LINGO2: variants seen among roughly 807,000 people sequenced by gnomAD.
LINGO2 encodes leucine rich repeat and Ig domain containing 2.
In LINGO2, 14 loss-of-function variants were observed where a neutral mutation model predicts 30.6. The observed-to-expected ratio is 0.46, with a 90% CI of 0.30 to 0.72. The LOEUF (loss-of-function observed/expected upper bound fraction) is 0.72. Among genes scored for constraint, LINGO2 ranks in the 30% least tolerant of loss-of-function variants. The pLI, the probability that LINGO2 is intolerant of heterozygous loss-of-function variation, is 0.07. For synonymous variants in LINGO2, 317 were observed against 288.5 expected (o/e 1.10, Z -1.00); for missense variants, 729 against 751.7 (o/e 0.97, Z 0.35).
At chr9:28,260,168 C>T (rs1428041022) in intron 4 of LINGO2, among the ~76,000 whole-genome samples, 4 of 151,582 alleles carry the variant, frequency 2.6e-5, no homozygotes, top group East Asian at 2.0e-4. Flanking sequence ...ATAAATATGT[C>T]AGTTGTCCTA....
intron 4 of LINGO2, among the ~76,000 whole-genome samples, chr9:28,169,146 G>A (rs886298266): frequency 4.6e-5 from 7 of 152,140 alleles, no homozygotes; most frequent in Non-Finnish European, 1.0e-4. Context: ...AAGGTGTGGA[G>A]ACTTTTATTA....
chr9:28,242,491 C>T (rs903682107), intron 4 of LINGO2, among the ~76,000 whole-genome samples: 2 of 152,038 alleles, frequency 1.3e-5, no homozygotes, highest in African/African-American at 2.4e-5. Context: ...ACCAAACCAA[C>T]GACTGATTGG....
the LINGO2 span, among the ~76,000 whole-genome samples, chr9:28,682,575 A>T: frequency 6.6e-6 from 1 of 152,076 alleles, no homozygotes; most frequent in African/African-American, 2.4e-5. Flanking sequence ...AGGTACTTTT[A>T]TAAGACAATT....
At chr9:28,818,613 T>G in the LINGO2 span, among the ~76,000 whole-genome samples, 1 of 152,188 alleles carries the variant, frequency 6.6e-6, no homozygotes, top group Non-Finnish European at 1.5e-5. Flanking sequence ...CTCGAACTCC[T>G]GACCTCAGGT....
chr9:28,141,785 G>T (rs887252521), intron 4 of LINGO2, among the ~76,000 whole-genome samples: 3 of 152,138 alleles, frequency 2.0e-5, no homozygotes, highest in African/African-American at 7.2e-5. Context: ...GGTGACCCAT[G>T]CCTGTAATCC....
chr9:28,046,678 G>A (rs978912690), intron 4 of LINGO2, among the ~76,000 whole-genome samples: 1 of 152,018 alleles, frequency 6.6e-6, no homozygotes, highest in Admixed American at 6.6e-5. Flanking sequence ...CTCTTAAAAT[G>A]TCTTATTTTA....
chr9:27,959,594 A>G (rs1819739296), intron 5 of LINGO2, among the ~76,000 whole-genome samples: 1 of 152,114 alleles, frequency 6.6e-6, no homozygotes, highest in African/African-American at 2.4e-5. Flanking sequence ...TCTTCTTCTA[A>G]ATATATCATT....
chr9:28,749,145 C>A, the LINGO2 span, among the ~76,000 whole-genome samples: 2 of 152,114 alleles, frequency 1.3e-5, no homozygotes, highest in African/African-American at 4.8e-5. Context: ...TTATTTCTCA[C>A]TCTCTTGAAT....
the LINGO2 span, among the ~76,000 whole-genome samples, chr9:29,144,459 A>G: frequency 5.7e-5 from 5 of 87,680 alleles, no homozygotes; most frequent in Non-Finnish European, 9.7e-5. Context: ...CTTATTTTGG[A>G]AAAAAAAATA....
At chr9:28,474,878 T>C (rs1446677822) in intron 2 of LINGO2, among the ~76,000 whole-genome samples, 1 of 152,196 alleles carries the variant, frequency 6.6e-6, no homozygotes, top group Non-Finnish European at 1.5e-5. Context: ...AAATGTTATA[T>C]AAATGAGGTA....
rs967423248 is a variant in LINGO2, at chr9:28,638,105, A to G, written c.-365+32095T>C. 7.9e-5 allele frequency among the ~76,000 whole-genome samples: 12 copies of G among 152,176 alleles called. No homozygotes were observed. In the South Asian group the frequency reaches 2.1e-3, roughly 26 times the overall value. On this transcript the variant is annotated intron_variant, in intron 1 of 5. Coordinates refer to ENST00000379992, the Ensembl canonical transcript of LINGO2. ...ACGTGGCTTTTGTCGTTGGTTCTGTATATATACTGGATTACGTTTATTGAT... is the reference window on the plus strand; with the variant it reads ...ACGTGGCTTTTGTCGTTGGTTCTGTGTATATACTGGATTACGTTTATTGAT...
chr9:27,968,182 G>A lies in LINGO2; in HGVS notation c.-35-17476C>T, dbSNP rs978600778. On this transcript the variant is annotated intron_variant, in intron 5 of 5. Transcript: ENST00000379992. ...CTATTCTAAAACAGCTTATAGTCTAGTAAGGAAACTCTGTCCAGTAAACAA... is the reference window on the plus strand; with the variant it reads ...CTATTCTAAAACAGCTTATAGTCTAATAAGGAAACTCTGTCCAGTAAACAA... Among the ~76,000 whole-genome samples the A allele has an allele frequency of 2.0e-4, 31 of 152,076 alleles. 1 individual carries two copies. Among genetic ancestry groups the A allele is most frequent in the African/African-American group, 5.1e-4 (21 of 41,424 alleles).
chr9:28,315,026 GAAAC>G (rs1824788621), intron 3 of LINGO2, among the ~76,000 whole-genome samples: 13 of 138,298 alleles, frequency 9.4e-5, no homozygotes, highest in African/African-American at 3.4e-4. Flanking sequence ...AAAAAAAAAA[GAAAC>G]AAAATGAAAA....
the LINGO2 span, among the ~76,000 whole-genome samples, chr9:28,915,746 T>C: frequency 1.3e-5 from 2 of 152,202 alleles, no homozygotes; most frequent in Admixed American, 1.3e-4. Flanking sequence ...GCCTAAGGTA[T>C]ACTAGAGACC....
At chr9:28,370,990 A>C (rs796352023) in intron 3 of LINGO2, among the ~76,000 whole-genome samples, 33 of 152,336 alleles carry the variant, frequency 2.2e-4, no homozygotes, top group African/African-American at 7.5e-4. Context: ...AATGCAAGCC[A>C]TCAGAAGTAT....
At chr9:29,132,628 T>C in the LINGO2 span, among the ~76,000 whole-genome samples, 1 of 152,152 alleles carries the variant, frequency 6.6e-6, no homozygotes, top group Non-Finnish European at 1.5e-5. Flanking sequence ...GGAGTGTACA[T>C]TCATTTCAAT....
At chr9:28,522,528 C>G (rs1244963815) in intron 1 of LINGO2, among the ~76,000 whole-genome samples, 1 of 151,982 alleles carries the variant, frequency 6.6e-6, no homozygotes, top group Non-Finnish European at 1.5e-5. Flanking sequence ...GAGTCATAAG[C>G]AGAAAAATAT....
the LINGO2 span, among the ~76,000 whole-genome samples, chr9:28,997,155 A>T: frequency 1.3e-5 from 2 of 152,322 alleles, no homozygotes; most frequent in African/African-American, 4.8e-5. Flanking sequence ...AAGGACAGGC[A>T]TGGTGGCTCA....
At chr9:28,876,142 T>C in the LINGO2 span, among the ~76,000 whole-genome samples, 1 of 152,108 alleles carries the variant, frequency 6.6e-6, no homozygotes, top group Non-Finnish European at 1.5e-5. Flanking sequence ...TCAATAATAA[T>C]GTCTGCACAG....
Sources: allele counts gnomAD v4.1 joint callset (sites outside exome capture counted in the v4.1 genomes callset), GRCh38; gene constraint gnomAD v4.1.1; transcripts MANE v1.5; gene names NCBI Gene and HGNC (gene_info 2026-07-23, HGNC 2026-07-21).